CSTF3: variants seen among roughly 807,000 people sequenced by gnomAD.
CSTF3 encodes the protein CF-1 77 kDa subunit.
In CSTF3, 29 loss-of-function variants were observed where a neutral mutation model predicts 105.8. That is an observed-to-expected ratio of 0.27 (90% CI 0.20 to 0.37). The LOEUF is 0.37. Ranked by LOEUF, CSTF3 falls within the 10% of genes least tolerant of loss-of-function variation. The probability of loss-of-function intolerance (pLI) is 1.00; values close to 1 mark genes in which losing one functional copy is unlikely to be tolerated. For synonymous variants in CSTF3, 252 were observed against 281.9 expected, an observed-to-expected ratio of 0.89 and a Z score of 1.06; for missense variants, 357 against 879.3, an observed-to-expected ratio of 0.41 and a Z score of 7.51.
At chr11:33,131,760 G>A (rs140562533) in intron 3 of CSTF3, among the ~76,000 whole-genome samples, 2,055 of 152,216 alleles carry the variant, frequency 0.014, 166 homozygotes, top group Admixed American at 0.13. Flanking sequence ...GCTGAGGCAG[G>A]AGAATGGCGT....
intron 1 of CSTF3, among the ~76,000 whole-genome samples, chr11:33,147,395 G>C (rs1272633770): frequency 1.3e-5 from 2 of 151,410 alleles, no homozygotes; most frequent in Non-Finnish European, 2.9e-5. Flanking sequence ...AGGAGTTCGA[G>C]ACCAGCCTGG....
intron 1 of CSTF3, among the ~76,000 whole-genome samples, chr11:33,157,762 C>T (rs1467479940): frequency 6.6e-6 from 1 of 151,976 alleles, no homozygotes; most frequent in Non-Finnish European, 1.5e-5. Flanking sequence ...AACTTCAATG[C>T]TACTAAAAGG....
chr11:33,110,346 C>A lies in CSTF3; in HGVS notation c.226-1928G>T, dbSNP rs554221303. 2.6e-4 allele frequency among the ~76,000 whole-genome samples: 40 copies of A among 152,296 alleles called. No individual in the cohort carries two copies. The South Asian group carries it at 6.4e-3, about 24-fold the overall frequency. ...GGGAGGACTCAGCCAAGAGGCCAGG[C>A]TGATGTCAACATTCGTCTGGGGTAA... On this transcript the variant is annotated intron_variant, in intron 3 of 20. Transcript: ENST00000323959.
At chr11:33,135,705 T>A (rs984712454) in intron 3 of CSTF3, among the ~76,000 whole-genome samples, 1 of 152,160 alleles carries the variant, frequency 6.6e-6, no homozygotes, top group Non-Finnish European at 1.5e-5. Flanking sequence ...GTAGTCATAG[T>A]CTGGTGAATG....
chr11:33,160,533 C>T (rs1489239432), intron 1 of CSTF3, among the ~76,000 whole-genome samples: 1 of 152,174 alleles, frequency 6.6e-6, no homozygotes, highest in Non-Finnish European at 1.5e-5. Context: ...TATTTAGCTT[C>T]CTCTTTCACA....
At position 33,158,498 on chromosome 11, in the gene CSTF3, A is replaced by G. The variant is rs185330623; in HGVS notation, c.27+2801T>C. On this transcript the variant is annotated intron_variant, in intron 1 of 20. Transcript: ENST00000323959. ...ACAAAACCACCATTTGCTACTTCCA[A>G]TGTAAGAGCTGATTTAGTCAAGATT... Among the ~76,000 whole-genome samples, 1,227 of 152,254 alleles carry G rather than the reference A, an allele frequency of 8.1e-3. 4 individuals carry two copies. Among genetic ancestry groups the G allele is most frequent in the Non-Finnish European group, 0.012 (848 of 67,992 alleles).
intron 3 of CSTF3, among the ~76,000 whole-genome samples, chr11:33,116,985 T>A (rs1855437241): frequency 6.6e-6 from 1 of 152,014 alleles, no homozygotes; most frequent in Admixed American, 6.6e-5. Context: ...GTTTACTTTT[T>A]ATTAGGTTTA....
At chr11:33,112,831 G>T (rs1293157045) in intron 3 of CSTF3, among the ~76,000 whole-genome samples, 1 of 151,996 alleles carries the variant, frequency 6.6e-6, no homozygotes, top group Non-Finnish European at 1.5e-5. Flanking sequence ...ACTTTGTTTT[G>T]ACATTTGGGA....
At chr11:33,095,443 C>T (rs1342990850) in intron 15 of CSTF3, among the ~76,000 whole-genome samples, 1 of 152,158 alleles carries the variant, frequency 6.6e-6, no homozygotes, top group Non-Finnish European at 1.5e-5. Flanking sequence ...AAATGATATA[C>T]ATATATGAAT....
chr11:33,137,152 A>G (rs1855663914), intron 3 of CSTF3, among the ~76,000 whole-genome samples: 2 of 151,892 alleles, frequency 1.3e-5, no homozygotes, highest in African/African-American at 4.8e-5. Flanking sequence ...TATATTTTCA[A>G]TGTGTTTACT....
In CSTF3 at chr11:33,085,722, T is replaced by C; in HGVS notation, c.1942A>G (p.Ile648Val). The C allele has an allele frequency of 6.2e-7, 1 of 1,612,306 alleles. No individual in the cohort carries two copies. The highest frequency in any genetic ancestry group is 8.5e-7 in the Non-Finnish European group (1 of 1,178,596). Residue 648 changes from isoleucine to valine, a missense_variant, in exon 20 of 21, where the codon ATA (isoleucine) becomes GTA (valine). Ile to Val is a conservative substitution (Grantham distance 29). This residue lies in a region of CSTF3 where 73 missense variants were observed against 105.8 expected (regional missense o/e 0.69). Transcript: ENST00000323959. ...ELMEIFRRCKIPNTVEEAVRI... is the reference protein window; with the variant it reads ...ELMEIFRRCKVPNTVEEAVRI... ...AGCTTCTGTTACTTACTATTTGGTA[T>C]CTTGCATCTTCGGAAAATTTCCATC...
At chr11:33,158,405 C>A (rs1487405216) in intron 1 of CSTF3, among the ~76,000 whole-genome samples, 2 of 152,002 alleles carry the variant, frequency 1.3e-5, no homozygotes, top group Non-Finnish European at 2.9e-5. Context: ...GAAAAAAAGT[C>A]TTTTTTGCAG....
chr11:33,156,528 A>G (rs1207566728), intron 1 of CSTF3, among the ~76,000 whole-genome samples: 1 of 152,226 alleles, frequency 6.6e-6, no homozygotes, highest in Non-Finnish European at 1.5e-5. Flanking sequence ...ATTTTTCACT[A>G]AAAACACGTA....
At chr11:33,104,134 CT>C (rs1347138190) in intron 8 of CSTF3, among the ~76,000 whole-genome samples, 1 of 152,162 alleles carries the variant, frequency 6.6e-6, no homozygotes, top group Admixed American at 6.6e-5. Flanking sequence ...GCTAATAGCC[CT>C]TTTCTAACTA....
chr11:33,085,176 C>T lies in CSTF3; in HGVS notation c.2065G>A (p.Glu689Lys). 1.9e-6 allele frequency: 3 copies of T among 1,614,114 alleles called. No individual in the cohort carries two copies. The highest frequency in any genetic ancestry group is 1.7e-4 in the Middle Eastern group (1 of 6,060). The stretch of plus-strand genomic sequence containing the variant: ...TTTTCTTCATCTTCATCTGAATCCT[C>T]GTTGGGCCTTTTGACGGCCTTGGTG... ...VLTKAVKRPN[E>K]DSDEDEEKGA... The change falls in exon 21 of 21, where the codon GAG (glutamate) becomes AAG (lysine). Residue 689 changes from glutamate to lysine, a missense_variant. Transcript: ENST00000323959.
At chr11:33,155,261 G>A (rs917310902) in intron 1 of CSTF3, among the ~76,000 whole-genome samples, 1 of 152,006 alleles carries the variant, frequency 6.6e-6, no homozygotes. Context: ...CTACTAGGGA[G>A]GCTGAGGTAG....
rs765732601 is a variant in CSTF3, at chr11:33,105,576, C to G, written c.576G>C (p.Lys192Asn). 6.2e-7 allele frequency: 1 copy of G among 1,608,780 alleles called. No homozygotes were observed. Among genetic ancestry groups the G allele is most frequent in the Non-Finnish European group, 8.5e-7 (1 of 1,178,520 alleles). ...NIEQLWRDYN[K>N]YEEGINIHLA... ...CTCTGACCTAATTTACCTCTTCATA[C>G]TTGTTATAGTCTCTCCAGAGCTGTT... is the stretch of plus-strand genomic sequence containing the variant. The change falls in exon 8 of 21, where the codon AAG becomes AAC. Residue 192 changes from lysine (K) to asparagine (N), a missense_variant. This residue lies in a region of CSTF3 where 206 missense variants were observed against 576.5 expected (regional missense o/e 0.36). Coordinates refer to ENST00000323959, the MANE Select transcript of CSTF3 (RefSeq NM_001326.3).
At chr11:33,092,172 T>C in intron 16 of CSTF3, 99 bp downstream of exon 16, 1 of 717,354 alleles carries the variant, frequency 1.4e-6, no homozygotes, top group Non-Finnish European at 2.2e-6. Flanking sequence ...GAAATTTCTC[T>C]TGAAACTCAT....
At chr11:33,108,924 G>C (rs1221293626) in intron 3 of CSTF3, among the ~76,000 whole-genome samples, 2 of 152,196 alleles carry the variant, frequency 1.3e-5, no homozygotes, top group Non-Finnish European at 2.9e-5. Flanking sequence ...TGCCCTCATA[G>C]AGCTTACAAT....
Sources: gnomAD v4.1 joint callset for allele counts (sites outside exome capture counted in the v4.1 genomes callset) on GRCh38, gnomAD v4.1.1 for gene constraint, gnomAD v4.1.1 regional missense constraint, MANE v1.5 for transcripts, NCBI Gene and HGNC (gene_info 2026-07-23, HGNC 2026-07-21) for gene names.